Variants in GALNTL6 observed in about 807,000 individuals in gnomAD.
The protein encoded by GALNTL6 is polypeptide N-acetylgalactosaminyltransferase like 6.
In GALNTL6, 46 loss-of-function variants were observed where a neutral mutation model predicts 73.7. The observed-to-expected ratio is 0.62, with a 90% CI of 0.49 to 0.80. GALNTL6 has a LOEUF of 0.80. Among genes scored for constraint, GALNTL6 ranks in the 30% least tolerant of loss-of-function variants. GALNTL6 has a pLI of 0.00. For synonymous variants in GALNTL6, 259 were observed against 263.7 expected (o/e 0.98, Z 0.17); for missense variants, 604 against 755.0 (o/e 0.80, Z 2.34).
intron 7 of GALNTL6, among the ~76,000 whole-genome samples, chr4:172,875,906 T>C (rs1400708491): frequency 6.6e-6 from 1 of 152,208 alleles, no homozygotes; most frequent in Admixed American, 6.5e-5. Flanking sequence ...AAGATATTGT[T>C]GATGTAGGCC....
At chr4:172,843,145 G>A (rs1334457599) in intron 7 of GALNTL6, among the ~76,000 whole-genome samples, 1 of 152,062 alleles carries the variant, frequency 6.6e-6, no homozygotes, top group Non-Finnish European at 1.5e-5. Context: ...TCCCCTCAAG[G>A]GCACTTCATT....
At chr4:172,426,354 A>T (rs335968) in intron 5 of GALNTL6, among the ~76,000 whole-genome samples, 132,155 of 152,018 alleles carry the variant, frequency 0.87, 57,493 homozygotes, top group South Asian at 0.88. Context: ...GAGTTTTTTT[A>T]ATAACAATAA....
intron 2 of GALNTL6, among the ~76,000 whole-genome samples, chr4:172,183,170 T>A (rs1476110158): frequency 2.6e-5 from 4 of 152,242 alleles, no homozygotes; most frequent in African/African-American, 9.6e-5. Flanking sequence ...GTGAATATTA[T>A]CAAATAAAAC....
At chr4:172,987,375 C>T (rs1372714920) in intron 10 of GALNTL6, among the ~76,000 whole-genome samples, 2 of 152,080 alleles carry the variant, frequency 1.3e-5, no homozygotes, top group Non-Finnish European at 2.9e-5. Flanking sequence ...CACATGAGAA[C>T]TCACTATCAT....
intron 5 of GALNTL6, among the ~76,000 whole-genome samples, chr4:172,744,830 AGTGC>A (rs1301270385): frequency 4.9e-5 from 5 of 101,340 alleles, no homozygotes; most frequent in Admixed American, 2.3e-4. Context: ...AGATTTTAAG[AGTGC>A]GCGTGCGTGT....
intron 3 of GALNTL6, among the ~76,000 whole-genome samples, chr4:172,292,320 C>A (rs1294337528): frequency 6.6e-6 from 1 of 151,128 alleles, no homozygotes; most frequent in Non-Finnish European, 1.5e-5. Context: ...GTTCTTTAAG[C>A]AGAAAAAAAG....
At chr4:172,540,176 G>A (rs1292015801) in intron 5 of GALNTL6, among the ~76,000 whole-genome samples, 3 of 150,090 alleles carry the variant, frequency 2.0e-5, no homozygotes, top group South Asian at 2.1e-4. Flanking sequence ...TCAGCCTCCC[G>A]AGTAGCTGGG....
chr4:172,813,439 G>T, intron 6 of GALNTL6, 101 bp from the exon 7 acceptor site: 1 of 890,212 alleles, frequency 1.1e-6, no homozygotes, highest in Non-Finnish European at 1.7e-6. Context: ...ACGGCTGCAA[G>T]CATTATGCAT....
chr4:172,434,085 G>A (rs1477595480), intron 5 of GALNTL6, among the ~76,000 whole-genome samples: 2 of 152,036 alleles, frequency 1.3e-5, no homozygotes, highest in Admixed American at 6.6e-5. Flanking sequence ...ATTATCGTTT[G>A]TAATAAGATA....
intron 3 of GALNTL6, among the ~76,000 whole-genome samples, chr4:172,303,116 C>G (rs1740000035): frequency 6.6e-6 from 1 of 152,144 alleles, no homozygotes; most frequent in Non-Finnish European, 1.5e-5. Flanking sequence ...TCTCCTGCCT[C>G]AGCCTCCCGA....
chr4:172,514,176 A>G (rs367698071), intron 5 of GALNTL6, among the ~76,000 whole-genome samples: 1 of 152,114 alleles, frequency 6.6e-6, no homozygotes. Flanking sequence ...CCAAGAGATT[A>G]TGTCTTTTGT....
At chr4:172,096,672 T>C (rs974233468) in intron 2 of GALNTL6, among the ~76,000 whole-genome samples, 3 of 152,232 alleles carry the variant, frequency 2.0e-5, no homozygotes, top group Admixed American at 1.3e-4. Context: ...TTTCTGTTTA[T>C]TCATGTTAGA....
intron 2 of GALNTL6, among the ~76,000 whole-genome samples, chr4:171,971,180 T>A (rs1051306021): frequency 6.6e-6 from 1 of 152,206 alleles, no homozygotes; most frequent in Non-Finnish European, 1.5e-5. Context: ...ATTATTTGTA[T>A]TTGAGAAAAA....
chr4:172,890,519 G>A (rs951688531), intron 8 of GALNTL6, among the ~76,000 whole-genome samples: 1 of 152,094 alleles, frequency 6.6e-6, no homozygotes, highest in Admixed American at 6.6e-5. Context: ...TACTCTTAGT[G>A]TTGATTTTTA....
intron 2 of GALNTL6, among the ~76,000 whole-genome samples, chr4:171,891,344 C>T (rs1047538601): frequency 1.3e-5 from 2 of 152,166 alleles, no homozygotes; most frequent in Non-Finnish European, 2.9e-5. Context: ...TCTGTTTCTT[C>T]AATCCTTTTG....
chr4:172,519,012 CT>C (rs1167950247), intron 5 of GALNTL6, among the ~76,000 whole-genome samples: 17 of 151,586 alleles, frequency 1.1e-4, no homozygotes, highest in Middle Eastern at 3.2e-3. Context: ...TCAGTGTTGA[CT>C]ATCATGAATA....
chr4:172,948,507 C>T (rs1350839585), intron 9 of GALNTL6, among the ~76,000 whole-genome samples: 2 of 151,700 alleles, frequency 1.3e-5, no homozygotes, highest in African/African-American at 4.8e-5. Context: ...GGCTGGAGTG[C>T]AGTGGTGTGA....
At position 172,937,921 on chromosome 4, in the gene GALNTL6, CATT is replaced by C. The variant is rs752965127; in HGVS notation, c.1149+6657_1149+6659del. ...AATATATGCCCTATATAGCATATAG[CATT>C]ATTTTATATATAGCCATATATATTT... On this transcript the variant is annotated intron_variant, in intron 9 of 12. Transcript: ENST00000506823. Among the ~76,000 whole-genome samples, 305 of 152,134 alleles carry C rather than the reference CATT, an allele frequency of 2.0e-3. 2 individuals are homozygous for C. Among genetic ancestry groups the C allele is most frequent in the Middle Eastern group, 3.4e-3 (1 of 294 alleles).
chr4:172,534,478 C>G (rs2110855796), intron 5 of GALNTL6, among the ~76,000 whole-genome samples: 1 of 152,256 alleles, frequency 6.6e-6, no homozygotes, highest in South Asian at 2.1e-4. Context: ...GAAATTGACT[C>G]TATTTAGAAT....
Sources: gnomAD v4.1 joint callset for allele counts (sites outside exome capture counted in the v4.1 genomes callset) on GRCh38, gnomAD v4.1.1 for gene constraint, MANE v1.5 for transcripts, NCBI Gene and HGNC (gene_info 2026-07-23, HGNC 2026-07-21) for gene names.